Variants in SIK3 observed in about 807,000 individuals in gnomAD.
The protein encoded by SIK3 is serine/threonine-protein kinase SIK3.
Under a neutral mutation model 144.2 loss-of-function variants are expected in SIK3, and 28 were observed. The observed-to-expected ratio is 0.19, with a 90% CI of 0.14 to 0.27. SIK3 has a LOEUF of 0.27. Among genes scored for constraint, SIK3 ranks in the 10% least tolerant of loss-of-function variants. The pLI is 1.00. For synonymous variants in SIK3, 686 were observed against 676.3 expected (o/e 1.01, Z -0.22); for missense variants, 1,319 against 1,776.0 (o/e 0.74, Z 4.62).
intron 4 of SIK3, among the ~76,000 whole-genome samples, chr11:116,926,759 G>T (rs12285956): frequency 6.6e-6 from 1 of 152,090 alleles, no homozygotes; most frequent in Non-Finnish European, 1.5e-5. Context: ...GGTGGCTCAC[G>T]CCTGTAATCC....
At chr11:117,075,546 C>T (rs79350762) in intron 1 of SIK3, among the ~76,000 whole-genome samples, 59 of 134,096 alleles carry the variant, frequency 4.4e-4, no homozygotes, top group African/African-American at 1.3e-3. Flanking sequence ...ATTTTTTTTT[C>T]TTTTTTTTTT....
intron 1 of SIK3, among the ~76,000 whole-genome samples, chr11:116,964,907 A>G (rs1259376817): frequency 6.6e-6 from 1 of 151,976 alleles, no homozygotes; most frequent in Non-Finnish European, 1.5e-5. Flanking sequence ...TAATAATAAT[A>G]AAATACAATA....
chr11:117,002,219 A>C (rs939387057), intron 1 of SIK3, among the ~76,000 whole-genome samples: 1 of 152,226 alleles, frequency 6.6e-6, no homozygotes, highest in African/African-American at 2.4e-5. Flanking sequence ...TGTGGGCTAC[A>C]TGCGTCCCAG....
At chr11:116,912,736 T>C (rs189737068) in intron 4 of SIK3, among the ~76,000 whole-genome samples, 68 of 152,352 alleles carry the variant, frequency 4.5e-4, no homozygotes, top group African/African-American at 1.6e-3. Context: ...CTTCATGTTT[T>C]CAAAGCTAAA....
rs1217019655 is a variant in SIK3, at chr11:116,956,240, G to A, written c.390+708C>T. ...AGGCAAGGTCCTCTCCTCCTATCCCGCTTGAAATTCCAGCCATCAGATTTA... is the reference window on the plus strand; with the variant it reads ...AGGCAAGGTCCTCTCCTCCTATCCCACTTGAAATTCCAGCCATCAGATTTA... On this transcript the variant is annotated intron_variant, in intron 2 of 24. Coordinates refer to ENST00000445177, the MANE Select transcript of SIK3 (RefSeq NM_001366686.3). 2.6e-5 allele frequency among the ~76,000 whole-genome samples: 4 copies of A among 151,722 alleles called. No homozygotes were observed. The East Asian group carries it at 7.7e-4, about 29-fold the overall frequency.
At chr11:117,094,447 A>C (rs960457412) in intron 1 of SIK3, among the ~76,000 whole-genome samples, 1 of 152,064 alleles carries the variant, frequency 6.6e-6, no homozygotes, top group African/African-American at 2.4e-5. Context: ...CTCTACAAAA[A>C]AAATTTAAAA....
chr11:117,073,801 CT>C (rs1356469997), intron 1 of SIK3, among the ~76,000 whole-genome samples: 1 of 152,228 alleles, frequency 6.6e-6, no homozygotes, highest in Admixed American at 6.5e-5. Flanking sequence ...AGTCCTCAGT[CT>C]TAAGCCAAAA....
At position 116,925,097 on chromosome 11, in the gene SIK3, A is replaced by G. The variant is rs1812604547; in HGVS notation, c.616+2122T>C. 2.0e-5 allele frequency among the ~76,000 whole-genome samples: 3 copies of G among 152,164 alleles called. No homozygotes were observed. In the South Asian group the frequency reaches 6.2e-4, roughly 31 times the overall value. ...GGAGTTCGAGACCAGCACGGCCAAC[A>G]TGGTAAAACCCCATCTCTACTAAAA... On this transcript the variant is annotated intron_variant, in intron 4 of 24. Transcript: ENST00000445177.
chr11:117,075,884 T>C (rs922879458), intron 1 of SIK3, among the ~76,000 whole-genome samples: 4 of 125,632 alleles, frequency 3.2e-5, no homozygotes, highest in Non-Finnish European at 6.7e-5. Context: ...TTTTTTGCTC[T>C]TGTTGCCCAG....
In SIK3 at chr11:116,858,163, T is replaced by C; in HGVS notation, c.3302A>G (p.Tyr1101Cys). The change falls in exon 21 of 25, where the codon TAT becomes TGT. Residue 1101 changes from tyrosine to cysteine, a missense_variant. This residue lies in a region of SIK3 where 646 missense variants were observed against 763.7 expected (regional missense o/e 0.85). Transcript: ENST00000445177. The surrounding 1 kb of genome is among the most constrained non-coding windows in gnomAD (Gnocchi z 5.4). ...ATGCTGGGGGCTGGTGTGATGGTGATAAGAGTCAGCATTTTGATAAGATAA... is the reference window on the plus strand; with the variant it reads ...ATGCTGGGGGCTGGTGTGATGGTGACAAGAGTCAGCATTTTGATAAGATAA... ...QALSYQNADS[Y>C]HHHTSPQHLL... is the part of the protein sequence containing the mutation. 1 of 1,614,128 alleles carries C rather than the reference T, an allele frequency of 6.2e-7. No individual in the cohort carries two copies. The highest frequency in any genetic ancestry group is 8.5e-7 in the Non-Finnish European group (1 of 1,180,018).
intron 1 of SIK3, among the ~76,000 whole-genome samples, chr11:117,046,545 C>T (rs1214343370): frequency 6.6e-6 from 1 of 152,094 alleles, no homozygotes; most frequent in Non-Finnish European, 1.5e-5. Context: ...AGAACTGACA[C>T]CTAAAAACAC....
In SIK3 at chr11:116,845,116, CCA is replaced by C. The variant is rs1257515588; in HGVS notation, c.*525_*526del. On this transcript the variant is annotated 3_prime_UTR_variant, in exon 25 of 25. Transcript: ENST00000445177. Reference sequence around the variant, plus strand: ...TCTCCCTTTGCCTGCCATTAGGATTCCAGAGGATGGCATCCTTTAGTATTTGC... The same window carrying C: ...TCTCCCTTTGCCTGCCATTAGGATTCGAGGATGGCATCCTTTAGTATTTGC... The C allele has an allele frequency of 1.3e-5, 2 of 152,078 alleles. No individual in the cohort carries two copies. The highest frequency in any genetic ancestry group is 4.8e-5 in the African/African-American group (2 of 41,394). 9.4% of individuals were successfully genotyped at this position (152,078 alleles called of 1,614,324 possible). A position where few individuals can be genotyped will look rare whatever the true frequency, so the allele number is the denominator to read the frequency against.
rs548322076 is a variant in SIK3, at chr11:117,007,450, G to C, written c.274-50386C>G. On this transcript the variant is annotated intron_variant, in intron 1 of 24. Coordinates refer to ENST00000445177, the MANE Select transcript of SIK3 (RefSeq NM_001366686.3). ...CTAAATAAAACCAGTTTGCTTTCTT[G>C]TCACCAAAAGGACTCTCTTTCCCAC... Among the ~76,000 whole-genome samples, 21 of 152,252 alleles carry C rather than the reference G, an allele frequency of 1.4e-4. No homozygotes were observed. In the South Asian group the frequency reaches 3.9e-3, roughly 29 times the overall value.
At chr11:117,005,859 C>T (rs1051196079) in intron 1 of SIK3, among the ~76,000 whole-genome samples, 3 of 152,046 alleles carry the variant, frequency 2.0e-5, no homozygotes, top group South Asian at 2.1e-4. Context: ...CAAAGGAAGA[C>T]GAAGGCTGAT....
Position 116,927,210 on chromosome 11 carries a change from A to T in SIK3, c.616+9T>A. The T allele has an allele frequency of 1.2e-6, 2 of 1,611,576 alleles. No homozygotes were observed. The highest frequency in any genetic ancestry group is 1.7e-6 in the Non-Finnish European group (2 of 1,178,180). On this transcript the variant is annotated intron_variant, in intron 4 of 24. Transcript: ENST00000445177. ...TGTCCCTATCTGACATCCTCAGTAC[A>T]GTTCTCACCTGCTATTTTGATATTC...
At position 116,868,493 on chromosome 11, in the gene SIK3, TG is replaced by T. The variant is rs1461052563; in HGVS notation, c.1809-405del. ...TAAGGACTATTCCTAGAGATGAACCTGGGGAGATATTCAGAAGGACTCTGTG... is the reference window on the plus strand; with the variant it reads ...TAAGGACTATTCCTAGAGATGAACCTGGGAGATATTCAGAAGGACTCTGTG... On this transcript the variant is annotated intron_variant, in intron 14 of 24. Transcript: ENST00000445177. Among the ~76,000 whole-genome samples the T allele has an allele frequency of 2.0e-5, 3 of 152,334 alleles. No individual in the cohort carries two copies. In the South Asian group the frequency reaches 6.2e-4, roughly 32 times the overall value.
At chr11:116,931,296 T>C (rs559780931) in intron 3 of SIK3, among the ~76,000 whole-genome samples, 2 of 152,332 alleles carry the variant, frequency 1.3e-5, no homozygotes, top group Admixed American at 1.3e-4. Context: ...CCAATCTTAC[T>C]CAGGAAGAAA....
intron 1 of SIK3, among the ~76,000 whole-genome samples, chr11:116,983,326 G>T (rs564912989): frequency 2.0e-5 from 3 of 151,694 alleles, no homozygotes; most frequent in Admixed American, 6.6e-5. Context: ...GAGGTCAGGA[G>T]TTCGAGACAA....
At chr11:117,070,736 G>A (rs1954231453) in intron 1 of SIK3, among the ~76,000 whole-genome samples, 1 of 150,614 alleles carries the variant, frequency 6.6e-6, no homozygotes, top group Non-Finnish European at 1.5e-5. Flanking sequence ...GTGAGCCACT[G>A]CGCCCGGCCC....
Sources: gnomAD v4.1 joint callset for allele counts (sites outside exome capture counted in the v4.1 genomes callset) on GRCh38, gnomAD v4.1.1 for gene constraint, gnomAD v4.1.1 regional missense constraint, Gnocchi (gnomAD v3.1) non-coding constraint, MANE v1.5 for transcripts, NCBI Gene and HGNC (gene_info 2026-07-23, HGNC 2026-07-21) for gene names.